Variants in UTRN observed in about 807,000 individuals in gnomAD.
The protein encoded by UTRN is utrophin.
In UTRN, 283 loss-of-function variants were observed where a neutral mutation model predicts 463.9. The observed-to-expected ratio is 0.61, with a 90% CI of 0.55 to 0.67. The LOEUF (loss-of-function observed/expected upper bound fraction) is 0.67. UTRN is among the 30% of genes least tolerant of loss of function. UTRN has a pLI of 0.00. For synonymous variants in UTRN, 1,442 were observed against 1,431.5 expected (o/e 1.01, Z -0.17); for missense variants, 3,922 against 4,084.3 (o/e 0.96, Z 1.08).
chr6:144,742,325 G>T (rs768550859), intron 54 of UTRN, among the ~76,000 whole-genome samples: 15 of 152,184 alleles, frequency 9.9e-5, no homozygotes, highest in Admixed American at 2.6e-4. Context: ...GTTGTCATCA[G>T]TTATTGTACA....
intron 51 of UTRN, among the ~76,000 whole-genome samples, chr6:144,618,989 CA>C (rs1775067783): frequency 6.6e-6 from 1 of 152,042 alleles, no homozygotes; most frequent in Non-Finnish European, 1.5e-5. Context: ...ATTGACCATG[CA>C]TAACTTTGAT....
chr6:144,412,740 A>G (rs1037320662), intron 3 of UTRN, among the ~76,000 whole-genome samples: 11 of 109,974 alleles, frequency 1.0e-4, no homozygotes, highest in South Asian at 6.0e-4. Flanking sequence ...GTGTGTGTAT[A>G]TATATATATA....
At chr6:144,406,511 C>T (rs1253267611) in intron 3 of UTRN, among the ~76,000 whole-genome samples, 6 of 151,982 alleles carry the variant, frequency 3.9e-5, no homozygotes, top group South Asian at 2.1e-4. Context: ...GGATTATGGG[C>T]GCATGTCACC....
chr6:144,333,275 A>G (rs1396800157), intron 2 of UTRN: 2 of 152,116 alleles, frequency 1.3e-5, no homozygotes, highest in African/African-American at 4.8e-5. Flanking sequence ...CAGTCTTCCC[A>G]TAACAGACCT....
intron 2 of UTRN, among the ~76,000 whole-genome samples, chr6:144,349,427 A>G (rs1777913574): frequency 6.6e-6 from 1 of 152,212 alleles, no homozygotes; most frequent in Non-Finnish European, 1.5e-5. Flanking sequence ...GGAGGATCAC[A>G]GGATCTCCCA....
At chr6:144,500,891 C>T (rs201957589) in intron 34 of UTRN, among the ~76,000 whole-genome samples, 6 of 152,144 alleles carry the variant, frequency 3.9e-5, no homozygotes, top group African/African-American at 9.7e-5. Context: ...GAGAAAGAAG[C>T]GAGTATACTA....
At chr6:144,349,552 T>C (rs1476453710) in intron 2 of UTRN, among the ~76,000 whole-genome samples, 1 of 152,236 alleles carries the variant, frequency 6.6e-6, no homozygotes, top group African/African-American at 2.4e-5. Context: ...ATAAATTCTG[T>C]AAAAATTATA....
chr6:144,462,895 G>A lies in UTRN; in HGVS notation c.3066+29G>A, dbSNP rs1020723741. 2.6e-6 allele frequency: 4 copies of A among 1,514,134 alleles called. No homozygotes were observed. In the African/African-American group the frequency reaches 4.2e-5, roughly 16 times the overall value. 93.8% of individuals were successfully genotyped at this position (1,514,134 alleles called of 1,614,324 possible). ...AATCCAGAGGCCACTGGGAGTTTAAGTTTATTACGGGGTAAATAGTAATTA... is the reference window on the plus strand; with the variant it reads ...AATCCAGAGGCCACTGGGAGTTTAAATTTATTACGGGGTAAATAGTAATTA... On this transcript the variant is annotated intron_variant, in intron 23 of 74. Transcript: ENST00000367545.
In UTRN at chr6:144,451,513, T is replaced by C. The variant is rs764507300; in HGVS notation, c.2196+20T>C. On this transcript the variant is annotated intron_variant, in intron 18 of 74. Transcript: ENST00000367545. ...TTGAAGGTAAAAAACATAAACCACATATATCCTAGTGCATAAAATAGTTCA... is the reference window on the plus strand; with the variant it reads ...TTGAAGGTAAAAAACATAAACCACACATATCCTAGTGCATAAAATAGTTCA... 6.2e-7 allele frequency: 1 copy of C among 1,605,578 alleles called. No individual in the cohort carries two copies. The highest frequency in any genetic ancestry group is 1.1e-5 in the South Asian group (1 of 90,400).
At chr6:144,308,292 G>T (rs148165327) in intron 2 of UTRN, among the ~76,000 whole-genome samples, 34 of 152,168 alleles carry the variant, frequency 2.2e-4, no homozygotes, top group African/African-American at 7.5e-4. Context: ...ATTCTGGCTA[G>T]ACCAGGTCAT....
chr6:144,758,766 C>T (rs1183137636), intron 58 of UTRN, among the ~76,000 whole-genome samples: 1 of 152,034 alleles, frequency 6.6e-6, no homozygotes, highest in Non-Finnish European at 1.5e-5. Flanking sequence ...TTACAACGTG[C>T]TCTAGTGATG....
chr6:144,523,649 T>C (rs2128597181), intron 41 of UTRN, among the ~76,000 whole-genome samples: 1 of 152,268 alleles, frequency 6.6e-6, no homozygotes, highest in South Asian at 2.1e-4. Flanking sequence ...GTATAGTTCC[T>C]TAAAGGAGGA....
rs117915658 is a variant in UTRN, at chr6:144,582,171, G to A, written c.7479+4883G>A. On this transcript the variant is annotated intron_variant, in intron 51 of 74. Coordinates refer to ENST00000367545, the MANE Select transcript of UTRN (RefSeq NM_007124.3). ...ATAGGACTTTAAATCGTTGTAACATGAAGGACTAAGAAAGGCAAATGAAGT... is the reference window on the plus strand; with the variant it reads ...ATAGGACTTTAAATCGTTGTAACATAAAGGACTAAGAAAGGCAAATGAAGT... Among the ~76,000 whole-genome samples the A allele has an allele frequency of 2.5e-3, 379 of 152,270 alleles. 12 individuals are homozygous for A. In the East Asian group the frequency reaches 0.058, roughly 23 times the overall value.
At chr6:144,660,252 G>C in intron 51 of UTRN, 1 of 471,166 alleles carries the variant, frequency 2.1e-6, no homozygotes, top group Non-Finnish European at 4.4e-6. Flanking sequence ...CAACTTACGG[G>C]AACTGCTGAC....
Position 144,516,822 on chromosome 6 carries a change from G to T in UTRN, c.5415G>T (p.Glu1805Asp). The T allele has an allele frequency of 6.8e-7, 1 of 1,479,484 alleles. No homozygotes were observed. Among genetic ancestry groups the T allele is most frequent in the Admixed American group, 2.5e-5 (1 of 39,698 alleles). 91.6% of individuals were successfully genotyped at this position (1,479,484 alleles called of 1,614,324 possible). Residue 1805 changes from glutamate (E) to aspartate (D), a missense_variant, in exon 39 of 75, where the codon GAG becomes GAT. Physicochemically the swap from Glu to Asp is conservative, Grantham distance 45. This residue lies in a region of UTRN where 2,349 missense variants were observed against 2,303.8 expected (regional missense o/e 1.02). Transcript: ENST00000367545. Reference sequence around the variant, plus strand: ...TTTTAAAAATTTAGATGGATGAGGAGAGTGCCCAGATTGAGGAAGTTCTAC... The same window carrying T: ...TTTTAAAAATTTAGATGGATGAGGATAGTGCCCAGATTGAGGAAGTTCTAC... ...SSDEDEKMDE[E>D]SAQIEEVLQR...
At chr6:144,702,938 G>A (rs1021787900) in intron 53 of UTRN, among the ~76,000 whole-genome samples, 1 of 152,168 alleles carries the variant, frequency 6.6e-6, no homozygotes, top group East Asian at 1.9e-4. Context: ...CAATGAGAGA[G>A]GAAGCCATGG....
At chr6:144,506,308 G>A (rs1417566923) in intron 34 of UTRN, among the ~76,000 whole-genome samples, 3 of 152,064 alleles carry the variant, frequency 2.0e-5, no homozygotes, top group African/African-American at 2.4e-5. Flanking sequence ...TCATTATGAT[G>A]TTATCTGGTT....
chr6:144,770,902 A>G (rs1392342566), intron 58 of UTRN, among the ~76,000 whole-genome samples: 1 of 152,162 alleles, frequency 6.6e-6, no homozygotes, highest in Non-Finnish European at 1.5e-5. Flanking sequence ...GAAAGGGTAG[A>G]TTTGCACTGA....
chr6:144,744,320 ATGTGTGTGTGTG>A (rs757430794), intron 54 of UTRN, among the ~76,000 whole-genome samples: 3,318 of 95,432 alleles, frequency 0.035, 168 homozygotes, highest in African/African-American at 0.14. Context: ...ATATATATAT[ATGTGTGTGTGTG>A]TGTGTGTGTG....
Sources: allele counts gnomAD v4.1 joint callset (sites outside exome capture counted in the v4.1 genomes callset), GRCh38; gene constraint gnomAD v4.1.1; regional missense constraint gnomAD v4.1.1; transcripts MANE v1.5; gene names NCBI Gene and HGNC (gene_info 2026-07-23, HGNC 2026-07-21).